The following KIF9 variants were observed in gnomAD, a reference collection of about 807,000 sequenced individuals.
The protein encoded by KIF9 is kinesin-like protein KIF9.
In KIF9, 68 loss-of-function variants were observed where a neutral mutation model predicts 94.8. The ratio of observed to expected loss-of-function variants is 0.72; its 90% CI spans 0.59 to 0.88. The LOEUF (loss-of-function observed/expected upper bound fraction) is 0.88, where lower values mean the gene tolerates loss of function less well. Ranked by LOEUF, KIF9 falls within the 40% of genes least tolerant of loss-of-function variation. The probability of loss-of-function intolerance (pLI) is 0.00; values close to 1 mark genes in which losing one functional copy is unlikely to be tolerated. For missense variants in KIF9, 882 were observed against 982.5 expected, an observed-to-expected ratio of 0.90 and a Z score of 1.37; for synonymous variants, 343 against 362.1, an observed-to-expected ratio of 0.95 and a Z score of 0.60.
chr3:47,259,123 T>C (rs1700801601), intron 9 of KIF9, among the ~76,000 whole-genome samples: 1 of 152,182 alleles, frequency 6.6e-6, no homozygotes, highest in African/African-American at 2.4e-5. Context: ...TTCTGCTGCA[T>C]TTGGAGGCAG....
At chr3:47,277,993 A>AGTGTGTGTGTGTGTGT (rs147140971) in intron 1 of KIF9, among the ~76,000 whole-genome samples, 2 of 150,104 alleles carry the variant, frequency 1.3e-5, no homozygotes, top group African/African-American at 4.9e-5. Context: ...ATTTTCTTTC[A>AGTGTGTGTGTGTGTGT]GTGTGTGTGT....
chr3:47,241,051 G>C, intron 16 of KIF9, 36 bp from the exon 17 acceptor site: 2 of 1,588,084 alleles, frequency 1.3e-6, no homozygotes, highest in Non-Finnish European at 1.7e-6. Flanking sequence ...GAGGATAAAT[G>C]AGGTGGCTGC....
chr3:47,269,217 T>G (rs1701483702), intron 5 of KIF9, among the ~76,000 whole-genome samples: 1 of 152,210 alleles, frequency 6.6e-6, no homozygotes, highest in South Asian at 2.1e-4. Flanking sequence ...CAGCGAGAAC[T>G]TGCATAAAAA....
At chr3:47,233,610 C>T (rs1340195861) in intron 20 of KIF9, among the ~76,000 whole-genome samples, 3 of 150,956 alleles carry the variant, frequency 2.0e-5, no homozygotes, top group Non-Finnish European at 4.4e-5. Context: ...GTGGGAGGAT[C>T]GCTTCAATCT....
At chr3:47,232,447 G>C (rs1698667139) in intron 20 of KIF9, among the ~76,000 whole-genome samples, 1 of 151,748 alleles carries the variant, frequency 6.6e-6, no homozygotes, top group Non-Finnish European at 1.5e-5. Context: ...ACCACACCCG[G>C]CTAATTTTTG....
chr3:47,267,943 C>G (rs545311272), intron 5 of KIF9, among the ~76,000 whole-genome samples: 5 of 149,300 alleles, frequency 3.3e-5, no homozygotes, highest in South Asian at 2.1e-4. Context: ...ACGATCTCGG[C>G]TCACTATAAC....
intron 20 of KIF9, among the ~76,000 whole-genome samples, chr3:47,231,404 CTTTTTTTTTTTTT>C (rs34079988): frequency 5.0e-5 from 4 of 79,788 alleles, no homozygotes; most frequent in South Asian, 5.2e-4. Flanking sequence ...TCAGTATCTA[CTTTTTTTTTTTTT>C]TTTTTTTTTT....
chr3:47,234,199 C>G (rs1277551093), intron 20 of KIF9, among the ~76,000 whole-genome samples: 2 of 151,228 alleles, frequency 1.3e-5, no homozygotes, highest in African/African-American at 4.9e-5. Context: ...GGTGCCCTAT[C>G]AGAAGCTGAT....
intron 4 of KIF9, among the ~76,000 whole-genome samples, chr3:47,272,659 T>C (rs1162327918): frequency 6.6e-6 from 1 of 152,142 alleles, no homozygotes; most frequent in Non-Finnish European, 1.5e-5. Context: ...TTTAGTTAAA[T>C]AAAATATATC....
At chr3:47,238,822 C>T (rs1390851036) in intron 17 of KIF9, among the ~76,000 whole-genome samples, 1 of 152,108 alleles carries the variant, frequency 6.6e-6, no homozygotes, top group South Asian at 2.1e-4. Flanking sequence ...TCACCTACGC[C>T]CGGATAATTT....
intron 1 of KIF9, among the ~76,000 whole-genome samples, chr3:47,281,755 T>G (rs961696901): frequency 9.2e-5 from 14 of 152,190 alleles, no homozygotes; most frequent in African/African-American, 3.1e-4. Flanking sequence ...ACCAGGAGAC[T>G]TCTGTGTTAA....
At chr3:47,264,708 GA>G (rs1701187850) in intron 8 of KIF9, among the ~76,000 whole-genome samples, 1 of 152,226 alleles carries the variant, frequency 6.6e-6, no homozygotes, top group Non-Finnish European at 1.5e-5. Context: ...AAAATGCTGG[GA>G]TTACAGGTGT....
In KIF9 at chr3:47,277,276, A is replaced by G. The variant is rs763827745; in HGVS notation, c.93+6T>C. 22 of 1,609,758 alleles carry G rather than the reference A, an allele frequency of 1.4e-5. No individual in the cohort carries two copies. Among genetic ancestry groups the G allele is most frequent in the Non-Finnish European group, 1.9e-5 (22 of 1,176,302 alleles). The stretch of plus-strand genomic sequence containing the variant: ...AGTCAGTTGAAGGCAAACACATCGC[A>G]CTTACTCTTTTGTCATCTCCGTATC... On this transcript the variant is annotated splice_donor_region_variant and intron_variant, in intron 2 of 20. Transcript: ENST00000684063.
intron 8 of KIF9, among the ~76,000 whole-genome samples, chr3:47,264,760 A>C (rs1701190295): frequency 6.6e-6 from 1 of 152,190 alleles, no homozygotes; most frequent in Non-Finnish European, 1.5e-5. Flanking sequence ...TTTTGTCCTT[A>C]TAAAATTCAT....
chr3:47,235,941 A>ACTGC, intron 19 of KIF9, 93 bp downstream of exon 19: 1 of 951,062 alleles, frequency 1.1e-6, no homozygotes, highest in East Asian at 2.5e-5. Flanking sequence ...CACCACACAC[A>ACTGC]CTGCCATCTT....
rs1702462701 is a variant in KIF9 at position 47,282,542 on chromosome 3, A to G, written c.-53T>C. On this transcript the variant is annotated 5_prime_UTR_variant, in exon 1 of 21. Transcript: ENST00000684063. ...CCGGGACGCGACTGCCGCAACCGAAACCACCTGCACTCCCCACGCGGGGCT... is the reference window on the plus strand; with the variant it reads ...CCGGGACGCGACTGCCGCAACCGAAGCCACCTGCACTCCCCACGCGGGGCT... 1 of 998,916 alleles carries G rather than the reference A, an allele frequency of 1.0e-6. No individual in the cohort carries two copies. The highest frequency in any genetic ancestry group is 4.2e-5 in the South Asian group (1 of 23,980). The allele number at this position is 998,916 out of a possible 1,614,324, so 61.9% of individuals were successfully genotyped here.
intron 8 of KIF9, among the ~76,000 whole-genome samples, chr3:47,265,163 C>G (rs1159397754): frequency 6.6e-6 from 1 of 152,146 alleles, no homozygotes; most frequent in Non-Finnish European, 1.5e-5. Flanking sequence ...GAAAGAGAGG[C>G]CACCACATGT....
chr3:47,235,911 G>T, intron 19 of KIF9, 123 bp downstream of exon 19: 1 of 743,640 alleles, frequency 1.3e-6, no homozygotes, highest in Non-Finnish European at 2.3e-6. Context: ...TGCCTGGGCT[G>T]GCTGTGGAGA....
intron 1 of KIF9, among the ~76,000 whole-genome samples, chr3:47,277,681 C>T (rs1702066128): frequency 6.6e-6 from 1 of 152,172 alleles, no homozygotes; most frequent in Admixed American, 6.5e-5. Flanking sequence ...TCTTAGATGT[C>T]ATTTCTAGAA....
Sources: allele counts gnomAD v4.1 joint callset (sites outside exome capture counted in the v4.1 genomes callset), GRCh38; gene constraint gnomAD v4.1.1; transcripts MANE v1.5; gene names NCBI Gene and HGNC (gene_info 2026-07-23, HGNC 2026-07-21).